Variants in RBFOX1 observed in about 807,000 individuals in gnomAD.
RBFOX1 encodes RNA binding protein fox-1 homolog 1.
Under a neutral mutation model 57.7 loss-of-function variants are expected in RBFOX1, and 8 were observed. That is an observed-to-expected ratio of 0.14 (90% CI 0.08 to 0.25). RBFOX1 has a LOEUF of 0.25. Ranked by LOEUF, RBFOX1 falls within the 10% of genes least tolerant of loss-of-function variation. The probability of loss-of-function intolerance (pLI) is 1.00; values close to 1 mark genes in which losing one functional copy is unlikely to be tolerated. For synonymous variants in RBFOX1, 326 were observed against 222.4 expected (o/e 1.47, Z -4.15); for missense variants, 611 against 548.5 (o/e 1.11, Z -1.14).
chr16:6,562,069 A>C (rs4563043), intron 2 of RBFOX1, among the ~76,000 whole-genome samples: 1 of 151,964 alleles, frequency 6.6e-6, no homozygotes, highest in Non-Finnish European at 1.5e-5. Flanking sequence ...CATTTCCATC[A>C]TTACTGATGT....
At chr16:6,109,715 A>T (rs1010080547) in intron 1 of RBFOX1, among the ~76,000 whole-genome samples, 1 of 152,170 alleles carries the variant, frequency 6.6e-6, no homozygotes, top group Non-Finnish European at 1.5e-5. Flanking sequence ...TTGACTGGGG[A>T]TAGTAGAATA....
intron 3 of RBFOX1, among the ~76,000 whole-genome samples, chr16:6,663,889 G>A (rs75213087): frequency 0.016 from 2,384 of 152,268 alleles, 35 homozygotes; most frequent in African/African-American, 0.048. Context: ...CTGAATACAC[G>A]TCAGTGTAGC....
At chr16:5,759,414 C>G (rs930057879) in intron 3 of RBFOX1, among the ~76,000 whole-genome samples, 1 of 152,222 alleles carries the variant, frequency 6.6e-6, no homozygotes, top group South Asian at 2.1e-4. Context: ...TTCCTGACCT[C>G]TCATTTGCCT....
chr16:6,191,617 G>T (rs777047066), intron 1 of RBFOX1, among the ~76,000 whole-genome samples: 6 of 152,288 alleles, frequency 3.9e-5, no homozygotes, highest in South Asian at 2.1e-4. Context: ...CTGAGAAAGG[G>T]TAAGAAAACA....
intron 3 of RBFOX1, among the ~76,000 whole-genome samples, chr16:6,892,646 G>C (rs553616134): frequency 6.6e-6 from 1 of 151,916 alleles, no homozygotes; most frequent in Admixed American, 6.6e-5. Context: ...CTCCAGCCTG[G>C]GCAACAGAGC....
At chr16:5,495,802 C>A (rs1323920431) in intron 2 of RBFOX1, among the ~76,000 whole-genome samples, 1 of 152,372 alleles carries the variant, frequency 6.6e-6, no homozygotes, top group African/African-American at 2.4e-5. Flanking sequence ...CTCCAGGCAT[C>A]TTCATGAATG....
chr16:6,713,926 G>C (rs718973), intron 3 of RBFOX1, among the ~76,000 whole-genome samples: 115,054 of 152,128 alleles, frequency 0.76, 44,009 homozygotes, highest in Middle Eastern at 0.91. Context: ...GCTGGGTTCT[G>C]CCAGAAGCAG....
rs891887157 is a variant in RBFOX1, at chr16:6,922,864, T to A, written c.-15-129193T>A. ...AGCACATCATAGTGAGCATTTCCAT[T>A]TCTAGGTGTACCTTGGGAAGTCTTA... On this transcript the variant is annotated intron_variant, in intron 3 of 15. Transcript: ENST00000550418. Among the ~76,000 whole-genome samples, 5 of 152,300 alleles carry A rather than the reference T, an allele frequency of 3.3e-5. No individual in the cohort carries two copies. The South Asian group carries it at 1.0e-3, about 32-fold the overall frequency.
Position 7,186,541 on chromosome 16 carries a change from T to C in RBFOX1, c.27+134443T>C, listed in dbSNP as rs1011292960. ...ATTTATATAAATATAAGCATAAACA[T>C]ATTTATATAAATATAAGCTTAAACA... is the stretch of plus-strand genomic sequence containing the variant. On this transcript the variant is annotated intron_variant, in intron 4 of 15. Coordinates refer to ENST00000550418, the MANE Select transcript of RBFOX1 (RefSeq NM_018723.4). Among the ~76,000 whole-genome samples the C allele has an allele frequency of 3.0e-4, 18 of 60,104 alleles. 2 individuals are homozygous for C. The highest frequency in any genetic ancestry group is 4.3e-5 in the Non-Finnish European group (1 of 23,216). The allele number at this position is 60,104 out of a possible 152,430, so 39.4% of individuals were successfully genotyped here. A position where few individuals can be genotyped will look rare whatever the true frequency, so the allele number is the denominator to read the frequency against.
intron 4 of RBFOX1, among the ~76,000 whole-genome samples, chr16:7,308,960 G>C (rs1029678206): frequency 6.6e-6 from 1 of 152,144 alleles, no homozygotes; most frequent in African/African-American, 2.4e-5. Context: ...TTTCTTTTTG[G>C]CTTAATCCCG....
intron 1 of RBFOX1, among the ~76,000 whole-genome samples, chr16:6,196,021 C>G (rs1263070612): frequency 2.6e-5 from 4 of 152,134 alleles, no homozygotes; most frequent in Admixed American, 1.3e-4. Context: ...TTGTAATATT[C>G]ATAATAAAAA....
At chr16:6,326,147 G>A (rs1264301841) in intron 2 of RBFOX1, among the ~76,000 whole-genome samples, 1 of 152,166 alleles carries the variant, frequency 6.6e-6, no homozygotes, top group Non-Finnish European at 1.5e-5. Context: ...TCTAGCTCAA[G>A]TTGCTATGAC....
intron 3 of RBFOX1, among the ~76,000 whole-genome samples, chr16:6,861,823 G>GTTTTTTTTTTTTTTTTTTTTTTTT (rs35138717): frequency 5.4e-5 from 5 of 92,454 alleles, no homozygotes; most frequent in Non-Finnish European, 7.7e-5. Context: ...GCGTCCCTTG[G>GTTTTTTTTTTTTTTTTTTTTTTTT]TTTTTTTTTT....
intron 1 of RBFOX1, among the ~76,000 whole-genome samples, chr16:6,288,060 A>G (rs566194672): frequency 3.0e-4 from 45 of 152,302 alleles, no homozygotes; most frequent in African/African-American, 1.1e-3. Context: ...CATGGCTCAC[A>G]TGTTCCACTT....
chr16:6,395,872 C>A (rs1198984485), intron 2 of RBFOX1, among the ~76,000 whole-genome samples: 6 of 151,836 alleles, frequency 4.0e-5, no homozygotes, highest in African/African-American at 4.8e-5. Context: ...TCATGAGCAG[C>A]CTGGGCAACA....
intron 4 of RBFOX1, among the ~76,000 whole-genome samples, chr16:5,879,622 G>A (rs530001184): frequency 4.6e-5 from 7 of 152,244 alleles, no homozygotes; most frequent in African/African-American, 7.2e-5. Flanking sequence ...GAGCCACCAC[G>A]CCTGATCTAT....
At chr16:7,412,152 G>A (rs2149116972) in intron 4 of RBFOX1, among the ~76,000 whole-genome samples, 1 of 152,212 alleles carries the variant, frequency 6.6e-6, no homozygotes, top group East Asian at 1.9e-4. Flanking sequence ...AGTGAAAATT[G>A]GCTGGACACC....
chr16:5,552,876 C>G (rs967348776), intron 2 of RBFOX1, among the ~76,000 whole-genome samples: 3 of 152,050 alleles, frequency 2.0e-5, no homozygotes, highest in Non-Finnish European at 4.4e-5. Flanking sequence ...ATGTTCCCAT[C>G]TTGATACCCA....
At chr16:6,236,302 C>A (rs1598657430) in intron 1 of RBFOX1, among the ~76,000 whole-genome samples, 1 of 152,182 alleles carries the variant, frequency 6.6e-6, no homozygotes, top group East Asian at 1.9e-4. Context: ...TTGTCCTGGT[C>A]CCATTTGTGA....
Sources: allele counts gnomAD v4.1 joint callset (sites outside exome capture counted in the v4.1 genomes callset), GRCh38; gene constraint gnomAD v4.1.1; transcripts MANE v1.5; gene names NCBI Gene and HGNC (gene_info 2026-07-23, HGNC 2026-07-21).